Variants in DSCAM observed in about 807,000 individuals in gnomAD.
DSCAM encodes the protein cell adhesion molecule DSCAM.
Under a neutral mutation model 217.7 loss-of-function variants are expected in DSCAM, and 47 were observed. The observed-to-expected ratio is 0.22, with a 90% CI of 0.17 to 0.28. The LOEUF (loss-of-function observed/expected upper bound fraction) is 0.28. Among genes scored for constraint, DSCAM ranks in the 10% least tolerant of loss-of-function variants. The pLI, the probability that DSCAM is intolerant of heterozygous loss-of-function variation, is 1.00. For synonymous variants in DSCAM, 1,056 were observed against 1,015.3 expected (o/e 1.04, Z -0.76); for missense variants, 2,080 against 2,618.3 (o/e 0.79, Z 4.49).
chr21:40,790,602 GTTGA>G (rs2091633503), intron 1 of DSCAM, among the ~76,000 whole-genome samples: 1 of 152,154 alleles, frequency 6.6e-6, no homozygotes, highest in South Asian at 2.1e-4. Flanking sequence ...TAAATGATTG[GTTGA>G]TTGACTTGTG....
At chr21:40,183,659 T>G (rs1449010405) in intron 14 of DSCAM, among the ~76,000 whole-genome samples, 1 of 152,154 alleles carries the variant, frequency 6.6e-6, no homozygotes, top group Non-Finnish European at 1.5e-5. Flanking sequence ...GTGCAATAAA[T>G]GTAAGAACTT....
intron 32 of DSCAM, 88 bp from the exon 33 acceptor site, chr21:40,013,474 G>T: frequency 1.0e-6 from 1 of 981,724 alleles, no homozygotes. Flanking sequence ...AGCCATGCGG[G>T]CTTTAGAGAT....
At chr21:40,248,910 A>C (rs533162515) in intron 11 of DSCAM, among the ~76,000 whole-genome samples, 2 of 152,296 alleles carry the variant, frequency 1.3e-5, no homozygotes, top group African/African-American at 4.8e-5. Context: ...CACTTCTTAC[A>C]TGGTGGCGGC....
rs1194289408 is a variant in DSCAM at position 40,183,101 on chromosome 21, GGGTTACCAGAGAAACCGTGGACAGGAGA to G, written c.2779+4002_2780-4008del. ...CTACCAGAGAAACCGTGGACGGGGG[GGGTTACCAGAGAAACCGTGGACAGGAGA>G]GGCAACAAGAGAACCTGCGGACAGG... On this transcript the variant is annotated intron_variant, in intron 14 of 32. Coordinates refer to ENST00000400454, the MANE Select transcript of DSCAM (RefSeq NM_001389.5). 1.0e-3 allele frequency among the ~76,000 whole-genome samples: 139 copies of G among 136,436 alleles called. 19 individuals are homozygous for G. Among genetic ancestry groups the G allele is most frequent in the African/African-American group, 3.8e-3 (130 of 33,966 alleles). The allele number at this position is 136,436 out of a possible 152,430, so 89.5% of individuals were successfully genotyped here.
At chr21:40,210,870 C>A (rs1270980740) in intron 11 of DSCAM, among the ~76,000 whole-genome samples, 1 of 152,172 alleles carries the variant, frequency 6.6e-6, no homozygotes, top group Non-Finnish European at 1.5e-5. Context: ...AACCCACATT[C>A]ATTTGTGTGT....
Position 40,178,920 on chromosome 21 carries a change from C to T in DSCAM, c.2947+7G>A, listed in dbSNP as rs1018690810. Reference sequence around the variant, plus strand: ...TCTGGAGCAAGGTTCCGCCCGGTCCCACGTACCTGCCTCGTCCGCCGTGAT... The same window carrying T: ...TCTGGAGCAAGGTTCCGCCCGGTCCTACGTACCTGCCTCGTCCGCCGTGAT... On this transcript the variant is annotated splice_region_variant and intron_variant, in intron 15 of 32. Transcript: ENST00000400454. The T allele has an allele frequency of 1.9e-6, 3 of 1,613,048 alleles. No homozygotes were observed. Among genetic ancestry groups the T allele is most frequent in the South Asian group, 1.1e-5 (1 of 91,018 alleles).
chr21:40,528,718 T>G (rs570100378), intron 3 of DSCAM, among the ~76,000 whole-genome samples: 40 of 152,064 alleles, frequency 2.6e-4, no homozygotes, highest in African/African-American at 9.4e-4. Context: ...AGGTACTCCA[T>G]CTGTCCTTTG....
At chr21:40,457,165 A>G (rs1201939301) in intron 3 of DSCAM, among the ~76,000 whole-genome samples, 1 of 152,200 alleles carries the variant, frequency 6.6e-6, no homozygotes, top group East Asian at 1.9e-4. Context: ...TACTTAGAAT[A>G]CTTTATAATT....
Position 40,418,592 on chromosome 21 carries a change from A to G in DSCAM, c.509-49347T>C, listed in dbSNP as rs560300219. Among the ~76,000 whole-genome samples the G allele has an allele frequency of 1.5e-4, 23 of 152,358 alleles. 2 individuals are homozygous for G. The South Asian group carries it at 3.9e-3, about 26-fold the overall frequency. ...TTGCCGGTACTGAAGGGCAAAAGTAAGATTGTTTAGCAAACAGTAAAAATT... is the reference window on the plus strand; with the variant it reads ...TTGCCGGTACTGAAGGGCAAAAGTAGGATTGTTTAGCAAACAGTAAAAATT... On this transcript the variant is annotated intron_variant, in intron 3 of 32. Coordinates refer to ENST00000400454, the MANE Select transcript of DSCAM (RefSeq NM_001389.5).
Position 40,708,585 on chromosome 21 carries a change from G to A in DSCAM, c.230C>T (p.Pro77Leu), listed in dbSNP as rs776104015. The A allele has an allele frequency of 6.2e-7, 1 of 1,610,772 alleles. No homozygotes were observed. Among genetic ancestry groups the A allele is most frequent in the Non-Finnish European group, 8.5e-7 (1 of 1,178,334 alleles). Reference protein sequence around the residue: ...YDVPGIRHVHPNGTLQIFPFP... With the variant: ...YDVPGIRHVHLNGTLQIFPFP... ...GGGGAAAATTTGGAGAGTGCCGTTG[G>A]GGTGGACGTGGCGGATCCCGGGGAC... The change falls in exon 2 of 33, where the codon CCC becomes CTC. Residue 77 changes from proline to leucine, a missense_variant. Around this residue, in one of 5 missense-constraint regions of DSCAM, gnomAD observed 568 missense variants for 678.1 expected, o/e 0.84. Coordinates refer to ENST00000400454, the MANE Select transcript of DSCAM (RefSeq NM_001389.5).
chr21:40,638,732 CCATTTTACTCGCGGCTAGACAGATGGGA>C (rs1224444665), intron 3 of DSCAM, among the ~76,000 whole-genome samples: 1 of 152,086 alleles, frequency 6.6e-6, no homozygotes, highest in East Asian at 1.9e-4. Flanking sequence ...GTAATTACAC[CCATTTTACTCGCGGCTAGACAGATGGGA>C]CATTTTCTCC....
intron 1 of DSCAM, among the ~76,000 whole-genome samples, chr21:40,711,635 A>G (rs2090781341): frequency 1.3e-5 from 2 of 152,144 alleles, no homozygotes; most frequent in South Asian, 2.1e-4. Flanking sequence ...GAAAGATCCT[A>G]TGTTGAGTCC....
At chr21:40,456,776 G>A (rs1196431670) in intron 3 of DSCAM, among the ~76,000 whole-genome samples, 2 of 152,080 alleles carry the variant, frequency 1.3e-5, no homozygotes, top group East Asian at 3.9e-4. Flanking sequence ...TATATTGATT[G>A]TACAATCCAG....
At chr21:40,693,028 T>C (rs2146450644) in intron 2 of DSCAM, 72 bp from the exon 3 acceptor site, 1 of 1,526,710 alleles carries the variant, frequency 6.6e-7, no homozygotes, top group Non-Finnish European at 9.0e-7. Context: ...CTCACTGTAA[T>C]ATATACACTG....
intron 11 of DSCAM, among the ~76,000 whole-genome samples, chr21:40,226,634 G>A (rs1351733848): frequency 6.6e-6 from 1 of 152,152 alleles, no homozygotes; most frequent in Non-Finnish European, 1.5e-5. Context: ...TGAACCCAAA[G>A]TCATTCTCTA....
At chr21:40,766,692 CTT>C (rs1197034537) in intron 1 of DSCAM, among the ~76,000 whole-genome samples, 146 of 92,594 alleles carry the variant, frequency 1.6e-3, no homozygotes, top group Middle Eastern at 0.01. Flanking sequence ...AAAAAAACAA[CTT>C]TTTTTTTTTT....
intron 9 of DSCAM, among the ~76,000 whole-genome samples, chr21:40,301,039 G>C (rs527569826): frequency 1.3e-5 from 2 of 152,202 alleles, no homozygotes; most frequent in South Asian, 4.2e-4. Context: ...TCCATTCTGG[G>C]ATCCAGGAAT....
chr21:40,427,573 C>T (rs1191691401), intron 3 of DSCAM, among the ~76,000 whole-genome samples: 1 of 152,178 alleles, frequency 6.6e-6, no homozygotes, highest in East Asian at 1.9e-4. Flanking sequence ...CCTGGCCTTC[C>T]CTCTGTGAAT....
chr21:40,250,447 A>G (rs2073287462), intron 11 of DSCAM, among the ~76,000 whole-genome samples: 1 of 152,246 alleles, frequency 6.6e-6, no homozygotes, highest in Non-Finnish European at 1.5e-5. Flanking sequence ...ATTTAGCTTG[A>G]TGCATCTTCT....
Sources: gnomAD v4.1 joint callset for allele counts (sites outside exome capture counted in the v4.1 genomes callset) on GRCh38, gnomAD v4.1.1 for gene constraint, gnomAD v4.1.1 regional missense constraint, MANE v1.5 for transcripts, NCBI Gene and HGNC (gene_info 2026-07-23, HGNC 2026-07-21) for gene names.